The following ADRA1A variants were observed in gnomAD, a reference collection of about 807,000 sequenced individuals.
ADRA1A encodes the protein adrenoceptor alpha 1A, also known as alpha-1A adrenergic receptor.
In ADRA1A, 31 loss-of-function variants were observed where a neutral mutation model predicts 29.6. The ratio of observed to expected loss-of-function variants is 1.05; its 90% CI spans 0.79 to 1.41. The LOEUF (loss-of-function observed/expected upper bound fraction) is 1.41, where lower values mean the gene tolerates loss of function less well. ADRA1A is among the 40% of genes most tolerant of loss of function. ADRA1A has a pLI of 0.00. For synonymous variants in ADRA1A, 311 were observed against 254.3 expected (o/e 1.22, Z -2.12); for missense variants, 619 against 601.1 (o/e 1.03, Z -0.31).
intron 2 of ADRA1A, among the ~76,000 whole-genome samples, chr8:26,751,263 A>G (rs6986328): frequency 0.07 from 10,670 of 152,224 alleles, 407 homozygotes; most frequent in Admixed American, 0.077. Context: ...AAATGAGTAT[A>G]TGGATCAGAA....
In ADRA1A at chr8:26,824,674, G is replaced by A. The variant is rs1179038538; in HGVS notation, c.883+39413C>T. Among the ~76,000 whole-genome samples, 7 of 152,210 alleles carry A rather than the reference G, an allele frequency of 4.6e-5. No individual in the cohort carries two copies. In the East Asian group the frequency reaches 1.4e-3, roughly 29 times the overall value. ...AGCTCTCTAATTAGCTAAATAAAGAGTGCAGACAGGGCCTATGTTAAAAAA... is the reference window on the plus strand; with the variant it reads ...AGCTCTCTAATTAGCTAAATAAAGAATGCAGACAGGGCCTATGTTAAAAAA... On this transcript the variant is annotated intron_variant, in intron 2 of 2. Coordinates refer to ENST00000380573, the MANE Select transcript of ADRA1A (RefSeq NM_000680.4).
chr8:26,803,856 C>T (rs1028242138), intron 2 of ADRA1A, among the ~76,000 whole-genome samples: 10 of 150,452 alleles, frequency 6.6e-5, no homozygotes, highest in East Asian at 5.9e-4. Flanking sequence ...AAATGAAAAG[C>T]GTAATGAGAT....
rs1382450299 is a variant in ADRA1A, at chr8:26,770,293, A to C, written c.1257T>G (p.Cys419Trp). 6.8e-6 allele frequency: 11 copies of C among 1,614,112 alleles called. No individual in the cohort carries two copies. Among genetic ancestry groups the C allele is most frequent in the African/African-American group, 1.3e-5 (1 of 74,944 alleles). ...RITVSKDQSS[C>W]TTARVRSKSF... ...TTTTACTTCTCACCCGGGCTGTGGT[A>C]CAGGAGGATTGGTCTTTGGACACTG... Residue 419 changes from cysteine to tryptophan, a missense_variant, in exon 3 of 3, where the codon TGT (cysteine) becomes TGG (tryptophan). Transcript: ENST00000380573.
chr8:26,755,383 TA>T (rs1045192919), downstream of ADRA1A, among the ~76,000 whole-genome samples: 2 of 151,710 alleles, frequency 1.3e-5, no homozygotes, highest in Admixed American at 1.3e-4. Context: ...TTTCTTGGCT[TA>T]AAAAAAAGAG....
chr8:26,790,477 G>A (rs1394908760), intron 2 of ADRA1A, among the ~76,000 whole-genome samples: 1 of 152,114 alleles, frequency 6.6e-6, no homozygotes, highest in East Asian at 1.9e-4. Flanking sequence ...AGGGGGATAG[G>A]GAGAGATTGG....
chr8:26,826,058 G>C (rs1253208786), intron 2 of ADRA1A, among the ~76,000 whole-genome samples: 1 of 152,242 alleles, frequency 6.6e-6, no homozygotes, highest in East Asian at 1.9e-4. Context: ...ATCATGAACA[G>C]AGGGTGCATT....
At chr8:26,828,014 C>A (rs920335055) in intron 2 of ADRA1A, among the ~76,000 whole-genome samples, 2 of 152,152 alleles carry the variant, frequency 1.3e-5, no homozygotes, top group African/African-American at 2.4e-5. Flanking sequence ...CCACCTCAAC[C>A]TCCTGAGTAG....
In ADRA1A at chr8:26,864,150, G is replaced by A; in HGVS notation, c.820C>T (p.Leu274=). 1 of 1,614,154 alleles carries A rather than the reference G, an allele frequency of 6.2e-7. No homozygotes were observed. The highest frequency in any genetic ancestry group is 8.5e-7 in the Non-Finnish European group (1 of 1,180,046). The change falls in exon 2 of 3, where the codon CTG becomes TTG. Residue 274 remains leucine, a synonymous_variant. Transcript: ENST00000380573. The surrounding 1 kb of genome is among the most constrained non-coding windows in gnomAD (Gnocchi z 8.1). ...ACGAAGCAGCCGACCACGATGCCCA[G>A]CGTTTTGGCCGCTTTCTTCTCCCGG... is the stretch of plus-strand genomic sequence containing the variant. ...FSREKKAAKT[L]GIVVGCFVLC...
At chr8:26,751,205 C>A (rs1281969546) in intron 2 of ADRA1A, among the ~76,000 whole-genome samples, 2 of 152,176 alleles carry the variant, frequency 1.3e-5, no homozygotes, top group Non-Finnish European at 2.9e-5. Flanking sequence ...CCTCATGATA[C>A]TGCAGTGCTT....
In ADRA1A at chr8:26,776,845, C is replaced by T. The variant is rs568892674; in HGVS notation, c.884-6179G>A. Among the ~76,000 whole-genome samples the T allele has an allele frequency of 9.8e-5, 15 of 152,340 alleles. No homozygotes were observed. In the South Asian group the frequency reaches 2.9e-3, roughly 29 times the overall value. ...AAAAATGTGGACTCCAAAGAAGAAG[C>T]TAATGTTACATGACCATGGGAGAAA... On this transcript the variant is annotated intron_variant, in intron 2 of 2. Transcript: ENST00000380573.
Position 26,865,057 on chromosome 8 carries a change from A to G in ADRA1A, c.-88T>C, listed in dbSNP as rs1192849794. On this transcript the variant is annotated 5_prime_UTR_variant, in exon 2 of 3. Coordinates refer to ENST00000380573, the MANE Select transcript of ADRA1A (RefSeq NM_000680.4). The surrounding 1 kb of genome is among the most constrained non-coding windows in gnomAD (Gnocchi z 7.6). Reference sequence around the variant, plus strand: ...GCGGGAGCGCGGGAGCCGGGAATCAAAAGGTCTCGGCTGGAGGGAGCCCTG... The same window carrying G: ...GCGGGAGCGCGGGAGCCGGGAATCAGAAGGTCTCGGCTGGAGGGAGCCCTG... 2 of 1,516,574 alleles carry G rather than the reference A, an allele frequency of 1.3e-6. No homozygotes were observed. 93.9% of individuals were successfully genotyped at this position (1,516,574 alleles called of 1,614,324 possible).
intron 2 of ADRA1A, among the ~76,000 whole-genome samples, chr8:26,817,593 A>G (rs1809856002): frequency 6.6e-6 from 1 of 152,132 alleles, no homozygotes; most frequent in Non-Finnish European, 1.5e-5. Context: ...AGGCTGGGAA[A>G]CATGAAAAAT....
intron 2 of ADRA1A, among the ~76,000 whole-genome samples, chr8:26,757,595 A>G (rs17055939): frequency 0.4 from 60,575 of 151,332 alleles, 12,244 homozygotes; most frequent in Middle Eastern, 0.52. Context: ...ATGAGGTGTG[A>G]CCTTTGTATG....
At chr8:26,795,837 T>TATTCAAAGGAAAATTAAATAGAA (rs1808155211) in intron 2 of ADRA1A, among the ~76,000 whole-genome samples, 1 of 152,082 alleles carries the variant, frequency 6.6e-6, no homozygotes, top group Non-Finnish European at 1.5e-5. Flanking sequence ...GAAAATTGTT[T>TATTCAAAGGAAAATTAAATAGAA]ATTCAAAGGA....
At chr8:26,783,872 C>G (rs147815744) in intron 2 of ADRA1A, among the ~76,000 whole-genome samples, 1,868 of 152,292 alleles carry the variant, frequency 0.012, 19 homozygotes, top group Non-Finnish European at 0.019. Flanking sequence ...AGATCATGTC[C>G]TTTGCAGGGA....
chr8:26,753,108 C>T (rs1165510838), downstream of ADRA1A, among the ~76,000 whole-genome samples: 3 of 152,096 alleles, frequency 2.0e-5, no homozygotes, highest in Non-Finnish European at 4.4e-5. Flanking sequence ...GGAGTGGGGC[C>T]GAAAGGGTAG....
chr8:26,755,789 G>A (rs1805136456), downstream of ADRA1A, among the ~76,000 whole-genome samples: 1 of 152,182 alleles, frequency 6.6e-6, no homozygotes, highest in Non-Finnish European at 1.5e-5. Flanking sequence ...TGGCGCTGGA[G>A]CACAGTAACC....
chr8:26,839,454 G>C (rs574346344), intron 2 of ADRA1A, among the ~76,000 whole-genome samples: 5 of 152,114 alleles, frequency 3.3e-5, no homozygotes, highest in African/African-American at 7.2e-5. Flanking sequence ...CACCATGCCC[G>C]GCCTGAAGAA....
At chr8:26,751,577 G>C (rs1737225953), downstream of ADRA1A, among the ~76,000 whole-genome samples, 1 of 152,198 alleles carries the variant, frequency 6.6e-6, no homozygotes, top group African/African-American at 2.4e-5. Context: ...AGTGTAAGGA[G>C]TAAGTGCTAT....
Sources: gnomAD v4.1 joint callset for allele counts (sites outside exome capture counted in the v4.1 genomes callset) on GRCh38, gnomAD v4.1.1 for gene constraint, Gnocchi (gnomAD v3.1) non-coding constraint, MANE v1.5 for transcripts, NCBI Gene and HGNC (gene_info 2026-07-23, HGNC 2026-07-21) for gene names.